ZNF592: variants seen among roughly 807,000 people sequenced by gnomAD.
The protein encoded by ZNF592 is spinocerebellar ataxia, autosomal recessive 5.
A neutral mutation model predicts 80.3 loss-of-function variants in ZNF592; 11 were observed. The observed-to-expected ratio is 0.14, with a 90% CI of 0.09 to 0.23. ZNF592 has a LOEUF of 0.23. Ranked by LOEUF, ZNF592 falls within the 10% of genes least tolerant of loss-of-function variation. ZNF592 has a pLI of 1.00. For missense variants in ZNF592, 1,420 were observed against 1,633.9 expected, an observed-to-expected ratio of 0.87 and a Z score of 2.26; for synonymous variants, 646 against 640.3, an observed-to-expected ratio of 1.01 and a Z score of -0.13.
rs149902516 is a variant in ZNF592 at position 84,801,993 on chromosome 15, C to T, written c.3404C>T (p.Ser1135Leu). 2.4e-5 allele frequency: 38 copies of T among 1,613,978 alleles called. No homozygotes were observed. Among genetic ancestry groups the T allele is most frequent in the African/African-American group, 1.5e-4 (11 of 75,036 alleles). The change falls in exon 11 of 11, where the codon TCG becomes TTG. Residue 1135 changes from serine to leucine, a missense_variant. Ser to Leu is a moderately radical substitution (Grantham distance 145, BLOSUM62 -2). Around this residue, in one of 7 missense-constraint regions of ZNF592, gnomAD observed 145 missense variants for 211.9 expected, o/e 0.68. Coordinates refer to ENST00000560079, the MANE Select transcript of ZNF592 (RefSeq NM_014630.3). ...GCGAAATGTAGTTTTGCCACAGACTCGGGGCTCGAGTTTCAGAGCCACATA... is the reference window on the plus strand; with the variant it reads ...GCGAAATGTAGTTTTGCCACAGACTTGGGGCTCGAGTTTCAGAGCCACATA... Reference protein sequence around the residue: ...QCAKCSFATDSGLEFQSHIPQ... With the variant: ...QCAKCSFATDLGLEFQSHIPQ...
rs1452144517 is a variant in ZNF592 at position 84,764,762 on chromosome 15, G to T, written c.-203G>T. 2 of 398,806 alleles carry T rather than the reference G, an allele frequency of 5.0e-6. No homozygotes were observed. The highest frequency in any genetic ancestry group is 7.1e-5 in the East Asian group (2 of 28,086). The allele number at this position is 398,806 out of a possible 1,614,324, so 24.7% of individuals were successfully genotyped here. ...GGTAGAAGTTTTTCCTTTCTCCGCA[G>T]CTCTGCTCCCCTAGCAACGCTCGCC... is the stretch of plus-strand genomic sequence containing the variant. On this transcript the variant is annotated 5_prime_UTR_variant, in exon 2 of 11. Coordinates refer to ENST00000560079, the MANE Select transcript of ZNF592 (RefSeq NM_014630.3).
At chr15:84,761,026 C>T (rs942191634) in intron 1 of ZNF592, among the ~76,000 whole-genome samples, 4 of 151,972 alleles carry the variant, frequency 2.6e-5, no homozygotes, top group Non-Finnish European at 5.9e-5. Context: ...TGCAATGGCA[C>T]AATCTTGGCT....
intron 10 of ZNF592, among the ~76,000 whole-genome samples, chr15:84,801,143 A>G (rs1383881012): frequency 6.6e-6 from 1 of 152,214 alleles, no homozygotes; most frequent in Non-Finnish European, 1.5e-5. Context: ...CAACATTGGG[A>G]GACTCTGTCT....
chr15:84,773,617 G>A (rs1003879198), intron 2 of ZNF592, among the ~76,000 whole-genome samples: 2 of 152,042 alleles, frequency 1.3e-5, no homozygotes, highest in Admixed American at 6.5e-5. Context: ...GAATGTCCAA[G>A]CCCAGTACAT....
intron 10 of ZNF592, 138 bp from the exon 11 acceptor site, chr15:84,801,725 A>G: frequency 8.0e-7 from 1 of 1,244,726 alleles, no homozygotes; most frequent in South Asian, 1.3e-5. Flanking sequence ...GAAACAAACC[A>G]AACGTAAACC....
chr15:84,764,728 A>G lies in ZNF592; in HGVS notation c.-237A>G, dbSNP rs763571477. 5 of 398,830 alleles carry G rather than the reference A, an allele frequency of 1.3e-5. No individual in the cohort carries two copies. The highest frequency in any genetic ancestry group is 2.2e-5 in the Non-Finnish European group (5 of 226,066). 24.7% of individuals were successfully genotyped at this position (398,830 alleles called of 1,614,324 possible). The stretch of plus-strand genomic sequence containing the variant: ...TTAGGTGGTGTTTGGACTCTAGACC[A>G]TGTGCCTAGGTAGAAGTTTTTCCTT... On this transcript the variant is annotated 5_prime_UTR_variant, in exon 2 of 11. It removes an upstream start codon present in the reference 5' UTR. Transcript: ENST00000560079.
At position 84,784,307 on chromosome 15, in the gene ZNF592, GAA is replaced by G. The variant is rs762674783; in HGVS notation, c.1636_1637del (p.Lys546GlyfsTer68). ...TGTCGGTGCCCCTGGTCCACCAGGT[GAA>G]AAAGGCTGCCCCACTGATTGTAGAG... ...QMSVPLVHQV[K>X]KAAPLIVEVF... On this transcript the variant is annotated frameshift_variant, in exon 4 of 11. Transcript: ENST00000560079. LOFTEE classifies it high-confidence loss of function. The surrounding 1 kb of genome is among the most constrained non-coding windows in gnomAD (Gnocchi z 5.8). 1 of 1,614,226 alleles carries G rather than the reference GAA, an allele frequency of 6.2e-7. No homozygotes were observed. Among genetic ancestry groups the G allele is most frequent in the Non-Finnish European group, 8.5e-7 (1 of 1,180,038 alleles).
At position 84,751,610 on chromosome 15, in the gene ZNF592, T is replaced by A. The variant is rs1221219168; in HGVS notation, c.-259+2946T>A. 3.3e-5 allele frequency among the ~76,000 whole-genome samples: 5 copies of A among 151,000 alleles called. No individual in the cohort carries two copies. The South Asian group carries it at 8.3e-4, about 25-fold the overall frequency. On this transcript the variant is annotated intron_variant, in intron 1 of 10. Transcript: ENST00000560079. Reference sequence around the variant, plus strand: ...ATTTTTATTACTTTTTTTTTTTTTTTAAACTGGAGACAAGCTGGATGCGGT... The same window carrying A: ...ATTTTTATTACTTTTTTTTTTTTTTAAAACTGGAGACAAGCTGGATGCGGT...
chr15:84,765,618 A>C (rs950833812), intron 2 of ZNF592, among the ~76,000 whole-genome samples: 4 of 144,850 alleles, frequency 2.8e-5, no homozygotes, highest in African/African-American at 1.0e-4. Flanking sequence ...GGCTCACTGA[A>C]ACCTCCACCT....
intron 2 of ZNF592, among the ~76,000 whole-genome samples, chr15:84,770,264 C>G (rs67804735): frequency 0.059 from 8,920 of 152,046 alleles, 327 homozygotes; most frequent in African/African-American, 0.074. Context: ...ATCTGAGGTG[C>G]CTATTAGATA....
Position 84,799,392 on chromosome 15 carries a change from C to T in ZNF592, c.3137+182C>T, listed in dbSNP as rs764458047. ...CAGGTCAAAAATCAGCTTCCAGAAC[C>T]TGGTAGCTCCTGAGCCCTCTCTCGT... On this transcript the variant is annotated intron_variant, in intron 9 of 10. Coordinates refer to ENST00000560079, the MANE Select transcript of ZNF592 (RefSeq NM_014630.3). The surrounding 1 kb of genome is among the most constrained non-coding windows in gnomAD (Gnocchi z 4.2). Among the ~76,000 whole-genome samples, 1 of 152,202 alleles carries T rather than the reference C, an allele frequency of 6.6e-6. No homozygotes were observed. Among genetic ancestry groups the T allele is most frequent in the Non-Finnish European group, 1.5e-5 (1 of 68,042 alleles).
In ZNF592 at chr15:84,798,572, C is replaced by G; in HGVS notation, c.2737-16C>G. On this transcript the variant is annotated splice_polypyrimidine_tract_variant and intron_variant, in intron 7 of 10. Coordinates refer to ENST00000560079, the MANE Select transcript of ZNF592 (RefSeq NM_014630.3). The surrounding 1 kb of genome is among the most constrained non-coding windows in gnomAD (Gnocchi z 4.5). ...TTTCCCCTTGCCCAGTCAGTAATCG[C>G]TCTCCCCATCCCCAGAGCACCCACG... 1.2e-6 allele frequency: 2 copies of G among 1,614,104 alleles called. No homozygotes were observed. Among genetic ancestry groups the G allele is most frequent in the South Asian group, 1.1e-5 (1 of 91,074 alleles).
chr15:84,789,042 C>T (rs1567072889), intron 4 of ZNF592, among the ~76,000 whole-genome samples: 1 of 149,526 alleles, frequency 6.7e-6, no homozygotes, highest in Non-Finnish European at 1.5e-5. Flanking sequence ...GAAACCCTGT[C>T]TCTATTTAAA....
Position 84,798,829 on chromosome 15 carries a change from C to G in ZNF592, c.2978C>G (p.Pro993Arg). 1.0e-5 allele frequency: 16 copies of G among 1,600,160 alleles called. No individual in the cohort carries two copies. Among genetic ancestry groups the G allele is most frequent in the Non-Finnish European group, 1.4e-5 (16 of 1,179,760 alleles). Residue 993 changes from proline to arginine, a missense_variant, in exon 8 of 11, where the codon CCA becomes CGA. Coordinates refer to ENST00000560079, the MANE Select transcript of ZNF592 (RefSeq NM_014630.3). This position sits in a 1 kb window ranked among gnomAD's most constrained non-coding sequence, Gnocchi z 4.5. ...TGCCAGGAGTGCCAGGAGTGGGTTC[C>G]AGATCGGGAGAGCTACGTGTCCCAC... ...WTCQECQEWV[P>R]DRESYVSHMK...
At chr15:84,759,917 T>C (rs1449984996) in intron 1 of ZNF592, among the ~76,000 whole-genome samples, 2 of 149,132 alleles carry the variant, frequency 1.3e-5, no homozygotes, top group African/African-American at 5.0e-5. Flanking sequence ...TGAGGCAGAG[T>C]TGGAATTTGA....
chr15:84,805,913 T>C lies in ZNF592; in HGVS notation c.*3520T>C, dbSNP rs1899305305. ...TCCTTTCATAGCAATTCTATGCATT[T>C]ACAAGTTTATAAATATGTATATTTA... On this transcript the variant is annotated 3_prime_UTR_variant, in exon 11 of 11. Transcript: ENST00000560079. 1 of 152,642 alleles carries C rather than the reference T, an allele frequency of 6.6e-6. No homozygotes were observed. Among genetic ancestry groups the C allele is most frequent in the South Asian group, 2.1e-4 (1 of 4,830 alleles). The allele number at this position is 152,642 out of a possible 1,614,324, so 9.5% of individuals were successfully genotyped here. A position where few individuals can be genotyped will look rare whatever the true frequency, so the allele number is the denominator to read the frequency against.
chr15:84,768,632 A>T (rs923707940), intron 2 of ZNF592, among the ~76,000 whole-genome samples: 3 of 151,986 alleles, frequency 2.0e-5, no homozygotes, highest in Non-Finnish European at 4.4e-5. Flanking sequence ...CTGGTGTCAC[A>T]CTGATCCCAT....
At chr15:84,770,584 A>T (rs1278259396) in intron 2 of ZNF592, among the ~76,000 whole-genome samples, 1 of 152,098 alleles carries the variant, frequency 6.6e-6, no homozygotes, top group South Asian at 2.1e-4. Context: ...AGTGCCAGTC[A>T]TAAGTCTTAG....
chr15:84,778,658 A>T (rs777071749), intron 3 of ZNF592, among the ~76,000 whole-genome samples: 1 of 152,172 alleles, frequency 6.6e-6, no homozygotes, highest in Admixed American at 6.5e-5. Flanking sequence ...AGGCTTCCCA[A>T]TGACCCCTTT....
Sources: gnomAD v4.1 joint callset for allele counts (sites outside exome capture counted in the v4.1 genomes callset) on GRCh38, gnomAD v4.1.1 for gene constraint, gnomAD v4.1.1 regional missense constraint, Gnocchi (gnomAD v3.1) non-coding constraint, MANE v1.5 for transcripts, NCBI Gene and HGNC (gene_info 2026-07-23, HGNC 2026-07-21) for gene names.